CHGA: variants seen among roughly 807,000 people sequenced by gnomAD.
The protein encoded by CHGA is chromogranin-A.
A neutral mutation model predicts 54.4 loss-of-function variants in CHGA; 41 were observed. The observed-to-expected ratio is 0.75, with a 90% CI of 0.59 to 0.98. The LOEUF is 0.98. Ranked by LOEUF, CHGA falls within the 50% of genes least tolerant of loss-of-function variation. The pLI is 0.00. For missense variants in CHGA, 576 were observed against 582.3 expected, an observed-to-expected ratio of 0.99 and a Z score of 0.11; for synonymous variants, 249 against 232.8, an observed-to-expected ratio of 1.07 and a Z score of -0.63.
chr14:92,926,768 C>A, intron 3 of CHGA, 70 bp downstream of exon 3: 2 of 1,291,030 alleles, frequency 1.5e-6, no homozygotes, highest in Non-Finnish European at 2.2e-6. Context: ...GGGTGTGTGG[C>A]TTTTGGTGGA....
At position 92,923,284 on chromosome 14, in the gene CHGA, G is replaced by A. The variant is rs2139665465; in HGVS notation, c.-76G>A. ...GTGCCACCGCAGCCCGACCCCGGCC[G>A]CCAGTCCAGCCGCCCCTCGCCCGGT... On this transcript the variant is annotated 5_prime_UTR_variant, in exon 1 of 8. Coordinates refer to ENST00000216492, the MANE Select transcript of CHGA (RefSeq NM_001275.4). The A allele has an allele frequency of 2.4e-6, 3 of 1,230,058 alleles. No individual in the cohort carries two copies. In the South Asian group the frequency reaches 9.8e-5, roughly 40 times the overall value. 76.2% of individuals were successfully genotyped at this position (1,230,058 alleles called of 1,614,324 possible).
intron 1 of CHGA, 73 bp from the exon 2 acceptor site, chr14:92,924,126 T>G: frequency 2.0e-6 from 3 of 1,538,154 alleles, no homozygotes; most frequent in South Asian, 1.2e-5. Context: ...CGGGCCCCAG[T>G]GAGCCCGGTC....
intron 4 of CHGA, among the ~76,000 whole-genome samples, chr14:92,928,650 C>T (rs1432808654): frequency 6.6e-6 from 1 of 152,186 alleles, no homozygotes; most frequent in East Asian, 1.9e-4. Context: ...TAACTGATTA[C>T]ATTTAAATAA....
At chr14:92,925,831 G>A (rs1392289099) in intron 2 of CHGA, among the ~76,000 whole-genome samples, 2 of 152,192 alleles carry the variant, frequency 1.3e-5, no homozygotes, top group Non-Finnish European at 2.9e-5. Context: ...GCTCAGAGAG[G>A]TTAAGTCACT....
rs1166218634 is a variant in CHGA at position 92,932,294 on chromosome 14, C to T, written c.809-76C>T. ...GCTGGGCTGTGGCCGCAGCAGAGGC[C>T]CCCAGGGAGTGGCAGAGACTGGGAA... On this transcript the variant is annotated intron_variant, in intron 6 of 7. Transcript: ENST00000216492. This position sits in a 1 kb window ranked among gnomAD's most constrained non-coding sequence, Gnocchi z 5.3. 12 of 1,483,408 alleles carry T rather than the reference C, an allele frequency of 8.1e-6. No individual in the cohort carries two copies. The Admixed American group carries it at 2.0e-4, about 25-fold the overall frequency. The allele number at this position is 1,483,408 out of a possible 1,614,324, so 91.9% of individuals were successfully genotyped here. A position where few individuals can be genotyped will look rare whatever the true frequency, so the allele number is the denominator to read the frequency against.
rs9658641 is a variant in CHGA at position 92,924,432 on chromosome 14, G to A, written c.93+187G>A. Among the ~76,000 whole-genome samples the A allele has an allele frequency of 8.8e-3, 1,338 of 152,358 alleles. 19 individuals carry two copies. The highest frequency in any genetic ancestry group is 0.031 in the African/African-American group (1,275 of 41,574). ...GCTTTCCCTGCTGTCCTGCTGTGGG[G>A]ACTTCCCCAGCTTCCTCTGAGCTGC... On this transcript the variant is annotated intron_variant, in intron 2 of 7. Transcript: ENST00000216492.
chr14:92,928,221 C>T (rs7158023), intron 4 of CHGA, among the ~76,000 whole-genome samples: 6,424 of 152,232 alleles, frequency 0.042, 444 homozygotes, highest in African/African-American at 0.14. Flanking sequence ...TGCTTCCCAA[C>T]GAAGCGAGAG....
At chr14:92,926,735 G>A in intron 3 of CHGA, 37 bp downstream of exon 3, 1 of 1,561,200 alleles carries the variant, frequency 6.4e-7, no homozygotes, top group Non-Finnish European at 8.8e-7. Flanking sequence ...GCTGCTGCCT[G>A]CTGGGCTGGG....
At chr14:92,929,913 A>C (rs1194523952) in intron 5 of CHGA, 98 bp downstream of exon 5, 12 of 876,472 alleles carry the variant, frequency 1.4e-5, no homozygotes, top group Admixed American at 4.0e-5. Flanking sequence ...CGGGAGCCCC[A>C]CCCATAATCC....
At chr14:92,923,478 C>T in intron 1 of CHGA, 73 bp downstream of exon 1, 2 of 1,191,410 alleles carry the variant, frequency 1.7e-6, no homozygotes, top group East Asian at 3.2e-5. Context: ...GGGCACCGCG[C>T]GGCGCCCCGC....
Position 92,931,651 on chromosome 14 carries a change from G to A in CHGA, c.757G>A (p.Val253Met). 1 of 1,604,952 alleles carries A rather than the reference G, an allele frequency of 6.2e-7. No homozygotes were observed. The highest frequency in any genetic ancestry group is 8.5e-7 in the Non-Finnish European group (1 of 1,173,852). The change falls in exon 6 of 8, where the codon GTG (valine) becomes ATG (methionine). Residue 253 changes from valine to methionine, a missense_variant. Val to Met is a conservative substitution (Grantham distance 21). Transcript: ENST00000216492. ...CCCCGAGGAAGAAGGCCCCACTGTAGTGCTGAACCCCCACCCGAGCCTTGG... is the reference window on the plus strand; with the variant it reads ...CCCCGAGGAAGAAGGCCCCACTGTAATGCTGAACCCCCACCCGAGCCTTGG... Reference protein sequence around the residue: ...AVPEEEGPTVVLNPHPSLGYK... With the variant: ...AVPEEEGPTVMLNPHPSLGYK...
chr14:92,924,764 C>A (rs1886854335), intron 2 of CHGA, among the ~76,000 whole-genome samples: 1 of 152,212 alleles, frequency 6.6e-6, no homozygotes, highest in Non-Finnish European at 1.5e-5. Context: ...ACGGTCCCAC[C>A]AATAGGGGCT....
Position 92,927,410 on chromosome 14 carries a change from C to T in CHGA, c.188-140C>T, listed in dbSNP as rs1368084256. ...AAGGAGGTAATTTCAAAAGTGTTAT[C>T]TGAAGACCCAATCTTGCTGCCACCA... On this transcript the variant is annotated intron_variant, in intron 3 of 7. Coordinates refer to ENST00000216492, the MANE Select transcript of CHGA (RefSeq NM_001275.4). The T allele has an allele frequency of 5.9e-6, 4 of 674,104 alleles. No homozygotes were observed. The African/African-American group carries it at 7.3e-5, about 12-fold the overall frequency. The allele number at this position is 674,104 out of a possible 1,614,324, so 41.8% of individuals were successfully genotyped here. A position where few individuals can be genotyped will look rare whatever the true frequency, so the allele number is the denominator to read the frequency against.
rs1240456128 is a variant in CHGA, at chr14:92,932,275, C to G, written c.809-95C>G. ...GCGTCATCACTGTGGAGAGGCTGGG[C>G]TGTGGCCGCAGCAGAGGCCCCCAGG... On this transcript the variant is annotated intron_variant, in intron 6 of 7. Transcript: ENST00000216492. The surrounding 1 kb of genome is among the most constrained non-coding windows in gnomAD (Gnocchi z 5.3). 12 of 1,434,460 alleles carry G rather than the reference C, an allele frequency of 8.4e-6. No individual in the cohort carries two copies. The highest frequency in any genetic ancestry group is 2.6e-5 in the Admixed American group (1 of 38,910). 88.9% of individuals were successfully genotyped at this position (1,434,460 alleles called of 1,614,324 possible).
chr14:92,927,687 A>G, intron 4 of CHGA, 69 bp downstream of exon 4: 2 of 1,250,340 alleles, frequency 1.6e-6, no homozygotes, highest in South Asian at 2.5e-5. Context: ...ATCTGGTGGA[A>G]GATTCAGCAA....
rs1886990125 is a variant in CHGA at position 92,931,344 on chromosome 14, G to A, written c.450G>A (p.Arg150=). Residue 150 remains arginine, a synonymous_variant, in exon 6 of 8, where the codon AGG becomes AGA. Coordinates refer to ENST00000216492, the MANE Select transcript of CHGA (RefSeq NM_001275.4). ...EKSGEATDGA[R]PQALPEPMQE... is the part of the protein sequence containing the mutation. The stretch of plus-strand genomic sequence containing the variant: ...GTGGTGAAGCCACAGACGGAGCCAG[G>A]CCCCAGGCCCTCCCGGAGCCCATGC... The A allele has an allele frequency of 6.2e-7, 1 of 1,613,580 alleles. No homozygotes were observed.
In CHGA at chr14:92,927,551, T is replaced by C. The variant is rs1886910883; in HGVS notation, c.189T>C (p.Asp63=). 6.2e-7 allele frequency: 1 copy of C among 1,613,028 alleles called. No individual in the cohort carries two copies. ...SQECFETLRG[D]ERILSILRHQ... is the part of the protein sequence containing the mutation. ...CATGATGACTCTTCTTCATTGCAGA[T>C]GAACGGATCCTTTCCATTCTGAGAC... The change falls in exon 4 of 8, where the codon GAT becomes GAC. Residue 63 remains aspartate (D), a splice_region_variant and synonymous_variant. Transcript: ENST00000216492.
In CHGA at chr14:92,926,681, T is replaced by C; in HGVS notation, c.170T>C (p.Phe57Ser). The part of the protein sequence containing the change: ...PSPMPVSQEC[F>S]ETLRGDERIL... The stretch of plus-strand genomic sequence containing the variant: ...CCCATGCCTGTCAGCCAGGAATGTT[T>C]TGAGACACTCCGAGGAGGTATGAGC... The change falls in exon 3 of 8, where the codon TTT becomes TCT. Residue 57 changes from phenylalanine to serine, a missense_variant. Coordinates refer to ENST00000216492, the MANE Select transcript of CHGA (RefSeq NM_001275.4). The C allele has an allele frequency of 6.2e-7, 1 of 1,614,002 alleles. No homozygotes were observed. Among genetic ancestry groups the C allele is most frequent in the Non-Finnish European group, 8.5e-7 (1 of 1,180,012 alleles).
At chr14:92,926,410 G>A in intron 2 of CHGA, 195 bp from the exon 3 acceptor site, 2 of 605,918 alleles carry the variant, frequency 3.3e-6, no homozygotes, top group South Asian at 1.9e-5. Flanking sequence ...TAAGCACTGT[G>A]TTAAGGGTTT....
Sources: gnomAD v4.1 joint callset for allele counts (sites outside exome capture counted in the v4.1 genomes callset) on GRCh38, gnomAD v4.1.1 for gene constraint, Gnocchi (gnomAD v3.1) non-coding constraint, MANE v1.5 for transcripts, NCBI Gene and HGNC (gene_info 2026-07-23, HGNC 2026-07-21) for gene names.